The following ATP11A variants were observed in gnomAD, a reference collection of about 807,000 sequenced individuals.
ATP11A encodes phospholipid-transporting ATPase IH.
Under a neutral mutation model 154.4 loss-of-function variants are expected in ATP11A, and 81 were observed. The observed-to-expected ratio is 0.52, with a 90% CI of 0.44 to 0.63. The LOEUF (loss-of-function observed/expected upper bound fraction) is 0.63, where lower values mean the gene tolerates loss of function less well. Ranked by LOEUF, ATP11A falls within the 30% of genes least tolerant of loss-of-function variation. ATP11A has a pLI of 0.00. For missense variants in ATP11A, 1,316 were observed against 1,474.3 expected, an observed-to-expected ratio of 0.89 and a Z score of 1.76; for synonymous variants, 623 against 585.9, an observed-to-expected ratio of 1.06 and a Z score of -0.91.
chr13:112,732,128 C>T (rs1890547825), intron 1 of ATP11A, among the ~76,000 whole-genome samples: 1 of 152,122 alleles, frequency 6.6e-6, no homozygotes, highest in African/African-American at 2.4e-5. Context: ...AGGGACGTGG[C>T]AATAACTGCG....
chr13:112,880,257 C>T (rs545473984), intron 29 of ATP11A: 88 of 160,458 alleles, frequency 5.5e-4, no homozygotes, highest in African/African-American at 1.8e-3. Flanking sequence ...ACCTTCCAGC[C>T]GAGGGACCTC....
chr13:112,717,630 C>A (rs961031786), intron 1 of ATP11A: 3 of 152,214 alleles, frequency 2.0e-5, no homozygotes. Flanking sequence ...TTTTTCAGTT[C>A]TCTGCACTGC....
intron 1 of ATP11A, among the ~76,000 whole-genome samples, chr13:112,705,386 A>AGAGGGAAACCCTGGGATTCTCGTAG (rs1233838994): frequency 6.6e-6 from 1 of 152,228 alleles, no homozygotes. Context: ...GGGGGTGCTC[A>AGAGGGAAACCCTGGGATTCTCGTAG]GCAGTTGATG....
In ATP11A at chr13:112,734,574, G is replaced by A. The variant is rs549821949; in HGVS notation, c.39+44119G>A. 4.6e-5 allele frequency among the ~76,000 whole-genome samples: 7 copies of A among 152,074 alleles called. No individual in the cohort carries two copies. In the East Asian group the frequency reaches 9.6e-4, roughly 21 times the overall value. ...CGGAGAGTCAAACCCTGACTGTATC[G>A]GACTCAAAAAATAAATATCAGTGAC... On this transcript the variant is annotated intron_variant, in intron 1 of 29. Transcript: ENST00000375645.
intron 1 of ATP11A, among the ~76,000 whole-genome samples, chr13:112,704,478 C>T (rs947659004): frequency 1.6e-4 from 25 of 152,234 alleles, no homozygotes; most frequent in African/African-American, 5.8e-4. Context: ...TCTGCCCCCG[C>T]GTTGTCTTAT....
At chr13:112,718,054 T>C (rs1241607376) in intron 1 of ATP11A, among the ~76,000 whole-genome samples, 1 of 152,100 alleles carries the variant, frequency 6.6e-6, no homozygotes, top group East Asian at 1.9e-4. Flanking sequence ...GCAGCCTGAG[T>C]GACAAGAGGG....
intron 17 of ATP11A, among the ~76,000 whole-genome samples, chr13:112,846,842 C>G (rs1275997319): frequency 3.3e-5 from 5 of 152,222 alleles, no homozygotes; most frequent in Admixed American, 6.5e-5. Flanking sequence ...GTCCAGCAGA[C>G]CCACAGCAGT....
At chr13:112,752,287 C>T (rs775849963) in intron 1 of ATP11A, among the ~76,000 whole-genome samples, 4 of 152,094 alleles carry the variant, frequency 2.6e-5, no homozygotes, top group African/African-American at 4.8e-5. Flanking sequence ...CAGTGGGGCT[C>T]GGGGCCGGGA....
At chr13:112,723,361 T>C (rs1435125424) in intron 1 of ATP11A, among the ~76,000 whole-genome samples, 1 of 17,580 alleles carries the variant, frequency 5.7e-5, no homozygotes, top group African/African-American at 2.1e-4. Flanking sequence ...ACCCTCCGCC[T>C]GCCGGGTTCA....
chr13:112,863,633 T>G (rs1254984975), intron 25 of ATP11A, among the ~76,000 whole-genome samples: 3 of 148,550 alleles, frequency 2.0e-5, no homozygotes, highest in Non-Finnish European at 4.5e-5. Flanking sequence ...GCACAGTAAT[T>G]CAGTGCAGCC....
intron 1 of ATP11A, among the ~76,000 whole-genome samples, chr13:112,748,905 C>A (rs375445020): frequency 6.6e-6 from 1 of 152,242 alleles, no homozygotes; most frequent in Non-Finnish European, 1.5e-5. Flanking sequence ...TTAACACTCG[C>A]GTTTGTTAAA....
chr13:112,773,459 C>T (rs1011485244), intron 1 of ATP11A, among the ~76,000 whole-genome samples: 1 of 152,258 alleles, frequency 6.6e-6, no homozygotes, highest in Non-Finnish European at 1.5e-5. Context: ...GTACGGGTCC[C>T]AAGCCGATGC....
chr13:112,824,679 G>A lies in ATP11A; in HGVS notation c.872+254G>A, dbSNP rs147591155. 1.8e-3 allele frequency among the ~76,000 whole-genome samples: 271 copies of A among 152,248 alleles called. 1 individual carries two copies. Among genetic ancestry groups the A allele is most frequent in the African/African-American group, 6.3e-3 (260 of 41,538 alleles). Reference sequence around the variant, plus strand: ...CCTCTTACGGACGCCCTGACGTTCCGGTTCTGAAATCAGTTCAGTATCCAA... The same window carrying A: ...CCTCTTACGGACGCCCTGACGTTCCAGTTCTGAAATCAGTTCAGTATCCAA... On this transcript the variant is annotated intron_variant, in intron 10 of 29. Transcript: ENST00000375645.
rs201190723 is a variant in ATP11A at position 112,878,169 on chromosome 13, C to T, written c.3328-48C>T. On this transcript the variant is annotated intron_variant, in intron 28 of 29. Transcript: ENST00000375645. ...CGACCGCTTTGCCTAAATCCTCACA[C>T]CTTGTTCACACACCCCTGTGTGCGT... 1,245 of 1,557,762 alleles carry T rather than the reference C, an allele frequency of 8.0e-4. 2 individuals carry two copies. The highest frequency in any genetic ancestry group is 1.7e-3 in the South Asian group (150 of 89,954).
At chr13:112,856,141 C>A (rs1408383233) in intron 20 of ATP11A, 56 bp downstream of exon 20, 3 of 1,545,696 alleles carry the variant, frequency 1.9e-6, no homozygotes, top group Non-Finnish European at 2.6e-6. Context: ...ACACTGAAAA[C>A]CTTCCGTTAG....
At chr13:112,839,351 C>T (rs922691739) in intron 16 of ATP11A, among the ~76,000 whole-genome samples, 2 of 152,020 alleles carry the variant, frequency 1.3e-5, no homozygotes, top group Non-Finnish European at 2.9e-5. Flanking sequence ...CCTAACAGTG[C>T]ACCCTCCTGG....
intron 17 of ATP11A, among the ~76,000 whole-genome samples, chr13:112,844,681 C>T (rs78953964): frequency 6.6e-6 from 1 of 152,058 alleles, no homozygotes; most frequent in South Asian, 2.1e-4. Context: ...CAGCAGCACT[C>T]GTTCAGTTGC....
intron 1 of ATP11A, among the ~76,000 whole-genome samples, chr13:112,733,999 A>G (rs1386013512): frequency 2.6e-5 from 4 of 152,200 alleles, no homozygotes; most frequent in African/African-American, 9.7e-5. Flanking sequence ...ATACTCATTG[A>G]GTTTCTATTA....
intron 1 of ATP11A, among the ~76,000 whole-genome samples, chr13:112,729,522 C>T (rs1890265605): frequency 6.6e-6 from 1 of 152,140 alleles, no homozygotes; most frequent in Non-Finnish European, 1.5e-5. Flanking sequence ...TGAGGCAGCG[C>T]AGTCCCCACC....
Sources: allele counts gnomAD v4.1 joint callset (sites outside exome capture counted in the v4.1 genomes callset), GRCh38; gene constraint gnomAD v4.1.1; transcripts MANE v1.5; gene names NCBI Gene and HGNC (gene_info 2026-07-23, HGNC 2026-07-21).